Variants in BLTP1 observed in about 807,000 individuals in gnomAD.
BLTP1 encodes bridge-like lipid transfer protein family member 1, also known as fragile site-associated protein.
chr4:122,250,673 G>A, the BLTP1 span: 3 of 1,168,458 alleles, frequency 2.6e-6, no homozygotes, highest in Admixed American at 2.1e-5. Flanking sequence ...GTATTTGCCT[G>A]TCTTTCCCTA....
chr4:122,154,404 G>A, the BLTP1 span: 1 of 984,878 alleles, frequency 1.0e-6, no homozygotes, highest in Non-Finnish European at 1.2e-6. Flanking sequence ...TAACCTGTTA[G>A]TCATTTTACT....
the BLTP1 span, chr4:122,270,947 A>C: frequency 2.7e-6 from 4 of 1,464,142 alleles, no homozygotes; most frequent in Non-Finnish European, 3.6e-6. Flanking sequence ...TTTGCCTATA[A>C]ATTAATAAAG....
At chr4:122,321,421 TAC>T in the BLTP1 span, among the ~76,000 whole-genome samples, 8 of 151,690 alleles carry the variant, frequency 5.3e-5, no homozygotes, top group African/African-American at 1.9e-4. Flanking sequence ...TGCACATATA[TAC>T]ACACACATAT....
chr4:122,261,719 G>A, the BLTP1 span: 3 of 983,336 alleles, frequency 3.1e-6, no homozygotes, highest in Non-Finnish European at 3.6e-6. Flanking sequence ...GTATGTAAGG[G>A]ACTTTTCTTC....
chr4:122,257,766 A>G, the BLTP1 span, among the ~76,000 whole-genome samples: 1 of 152,194 alleles, frequency 6.6e-6, no homozygotes, highest in Non-Finnish European at 1.5e-5. Flanking sequence ...GAAAATGGTC[A>G]TGGCTTAAGT....
chr4:122,234,765 C>A, the BLTP1 span: 1 of 1,542,048 alleles, frequency 6.5e-7, no homozygotes, highest in South Asian at 1.2e-5. Flanking sequence ...CTTTTGGGGT[C>A]GGTTTAGGTT....
the BLTP1 span, chr4:122,287,693 A>G: frequency 1.0e-6 from 1 of 985,348 alleles, no homozygotes; most frequent in South Asian, 4.7e-5. Context: ...TGCGGGGGAC[A>G]TATTTAAGTC....
chr4:122,160,100 G>A, the BLTP1 span, among the ~76,000 whole-genome samples: 1 of 152,160 alleles, frequency 6.6e-6, no homozygotes, highest in African/African-American at 2.4e-5. Context: ...TGCTGGCCCT[G>A]TCCAGAATTG....
chr4:122,283,656 A>G, the BLTP1 span, among the ~76,000 whole-genome samples: 1 of 152,064 alleles, frequency 6.6e-6, no homozygotes, highest in African/African-American at 2.4e-5. Context: ...ATAGGCATGC[A>G]CCACCACATC....
the BLTP1 span, chr4:122,343,964 G>A: frequency 4.0e-4 from 364 of 913,340 alleles, no homozygotes; most frequent in Non-Finnish European, 4.7e-4. Flanking sequence ...AAGTGCATGG[G>A]TCACAATTGT....
the BLTP1 span, among the ~76,000 whole-genome samples, chr4:122,320,449 C>T: frequency 6.6e-6 from 1 of 152,174 alleles, no homozygotes; most frequent in African/African-American, 2.4e-5. Flanking sequence ...CCATGCTCAG[C>T]CCACTTTGTT....
the BLTP1 span, chr4:122,351,209 A>G: frequency 5.0e-6 from 4 of 793,784 alleles, no homozygotes; most frequent in African/African-American, 7.5e-5. Context: ...TAGCTTTTTA[A>G]TAACTTTATT....
chr4:122,239,142 C>T, the BLTP1 span, among the ~76,000 whole-genome samples: 1 of 152,110 alleles, frequency 6.6e-6, no homozygotes, highest in Non-Finnish European at 1.5e-5. Context: ...TTATGTATAA[C>T]TTCTTCCTCC....
chr4:122,332,479 G>A, the BLTP1 span, among the ~76,000 whole-genome samples: 24 of 151,856 alleles, frequency 1.6e-4, no homozygotes, highest in Admixed American at 3.3e-4. Context: ...AAGAATAAAG[G>A]TAACTGCCCT....
chr4:122,196,053 C>T, the BLTP1 span, among the ~76,000 whole-genome samples: 1 of 152,156 alleles, frequency 6.6e-6, no homozygotes, highest in Non-Finnish European at 1.5e-5. Flanking sequence ...AACATTAGTA[C>T]TTTAGCCTCC....
chr4:122,199,031 T>C, the BLTP1 span, among the ~76,000 whole-genome samples: 4 of 152,154 alleles, frequency 2.6e-5, no homozygotes, highest in Non-Finnish European at 5.9e-5. Context: ...GATGAAAATA[T>C]GTACCCTTGA....
the BLTP1 span, among the ~76,000 whole-genome samples, chr4:122,258,086 G>A: frequency 1.3e-5 from 2 of 152,102 alleles, no homozygotes; most frequent in Non-Finnish European, 1.5e-5. Context: ...CAACAAAATG[G>A]CTGTGTCAGA....
the BLTP1 span, chr4:122,298,031 G>A: frequency 2.9e-6 from 1 of 350,814 alleles, no homozygotes; most frequent in Non-Finnish European, 4.0e-6. Flanking sequence ...TAACAAATGT[G>A]CATATCCTAC....
the BLTP1 span, chr4:122,315,661 T>C: frequency 6.2e-7 from 1 of 1,614,090 alleles, no homozygotes; most frequent in East Asian, 2.2e-5. Flanking sequence ...AGGATGAAGT[T>C]GATACTATGT....
Sources: allele counts gnomAD v4.1 joint callset (sites outside exome capture counted in the v4.1 genomes callset), GRCh38; gene constraint gnomAD v4.1.1; transcripts MANE v1.5; gene names NCBI Gene and HGNC (gene_info 2026-07-23, HGNC 2026-07-21).